Variants in IDI1 observed in about 807,000 individuals in gnomAD.
IDI1 encodes isopentenyl-diphosphate Delta-isomerase 1.
In IDI1, 23 loss-of-function variants were observed where a neutral mutation model predicts 32.9. That is an observed-to-expected ratio of 0.70 (90% CI 0.50 to 0.99). IDI1 has a LOEUF of 0.99. Ranked by LOEUF, IDI1 falls within the 50% of genes least tolerant of loss-of-function variation. IDI1 has a pLI of 0.00. For missense variants in IDI1, 326 were observed against 351.9 expected, an observed-to-expected ratio of 0.93 and a Z score of 0.59; for synonymous variants, 133 against 128.2, an observed-to-expected ratio of 1.04 and a Z score of -0.25.
In IDI1 at chr10:1,041,248, C is replaced by T. The variant is rs757189207; in HGVS notation, c.794G>A (p.Trp265Ter). 1 of 1,612,950 alleles carries T rather than the reference C, an allele frequency of 6.2e-7. No individual in the cohort carries two copies. The highest frequency in any genetic ancestry group is 1.1e-5 in the South Asian group (1 of 91,034). The change falls in exon 5 of 5, where the codon TGG becomes TAG. Residue 265 changes from tryptophan (W) to a stop codon, truncating the protein, a stop_gained. Coordinates refer to ENST00000381344, the MANE Select transcript of IDI1 (RefSeq NM_004508.4). LOFTEE classifies it high-confidence loss of function. Reference protein sequence around the residue: ...KIIAATFLFKWWDNLNHLNQF... With the variant: ...KIIAATFLFK ...ATTCAAATGATTTAAGTTATCCCAC[C>T]ATTTAAAGAGAAAAGTCGCTGCAAT...
intron 1 of IDI1, among the ~76,000 whole-genome samples, chr10:1,044,939 A>T (rs1167241003): frequency 1.3e-5 from 2 of 152,278 alleles, no homozygotes; most frequent in East Asian, 1.9e-4. Context: ...CACAGGCAAT[A>T]GGTGAACTGG....
chr10:1,056,466 C>A, the IDI1 span: 2 of 152,124 alleles, frequency 1.3e-5, no homozygotes, highest in Non-Finnish European at 1.5e-5. Context: ...GCGCAGGCGG[C>A]CCCGGGTCTC....
upstream of IDI1, among the ~76,000 whole-genome samples, chr10:1,050,761 C>G (rs1442107086): frequency 6.6e-6 from 1 of 152,184 alleles, no homozygotes; most frequent in Non-Finnish European, 1.5e-5. Flanking sequence ...CACGTGCACA[C>G]CTCTGGGATG....
chr10:1,051,491 G>A (rs544601271), upstream of IDI1, among the ~76,000 whole-genome samples: 2 of 152,148 alleles, frequency 1.3e-5, no homozygotes, highest in East Asian at 1.9e-4. Context: ...CAGTAAAAGC[G>A]GTATTTCATG....
rs577026848 is a variant in IDI1, at chr10:1,048,419, G to A, written c.140+445C>T. ...TGCACGGACGCAGGTGTATGCACCC[G>A]CGTCACACGCGTGGACTCGGCACGG... On this transcript the variant is annotated intron_variant, in intron 1 of 4. Coordinates refer to ENST00000381344, the MANE Select transcript of IDI1 (RefSeq NM_004508.4). 74 of 1,297,084 alleles carry A rather than the reference G, an allele frequency of 5.7e-5. No homozygotes were observed. In the African/African-American group the frequency reaches 1.0e-3, roughly 18 times the overall value. The allele number at this position is 1,297,084 out of a possible 1,614,324, so 80.3% of individuals were successfully genotyped here. A position where few individuals can be genotyped will look rare whatever the true frequency, so the allele number is the denominator to read the frequency against.
upstream of IDI1, among the ~76,000 whole-genome samples, chr10:1,050,426 A>G (rs1832974840): frequency 6.6e-6 from 1 of 152,134 alleles, no homozygotes; most frequent in African/African-American, 2.4e-5. Flanking sequence ...AGCAAAACCA[A>G]TTTTACCAGA....
intron 1 of IDI1, among the ~76,000 whole-genome samples, chr10:1,045,900 C>A (rs575403141): frequency 7.3e-6 from 1 of 136,468 alleles, no homozygotes; most frequent in African/African-American, 2.5e-5. Context: ...TGTGTGAATG[C>A]GTGTGTCAGG....
In IDI1 at chr10:1,042,760, A is replaced by C; in HGVS notation, c.409T>G (p.Cys137Gly). 1.2e-6 allele frequency: 2 copies of C among 1,613,670 alleles called. No individual in the cohort carries two copies. The highest frequency in any genetic ancestry group is 2.2e-5 in the East Asian group (1 of 44,866). ...TGACTACAACACGTATTCGTAAAAC[A>C]ACCTGGAAAATGGTAATACAGAGAC... is the stretch of plus-strand genomic sequence containing the variant. ...RSDAKITFPG[C>G]FTNTCCSHPL... The change falls in exon 4 of 5, where the codon TGT (cysteine) becomes GGT (glycine). Residue 137 changes from cysteine (C) to glycine (G), a missense_variant and splice_region_variant. By Grantham distance (159) the Cys-to-Gly change is radical. This residue lies in a region of IDI1 where 205 missense variants were observed against 273.5 expected (regional missense o/e 0.75). Coordinates refer to ENST00000381344, the MANE Select transcript of IDI1 (RefSeq NM_004508.4).
In IDI1 at chr10:1,039,542, C is replaced by T. The variant is rs1435455382; in HGVS notation, c.*1645G>A. 1 of 152,164 alleles carries T rather than the reference C, an allele frequency of 6.6e-6. No individual in the cohort carries two copies. Among genetic ancestry groups the T allele is most frequent in the African/African-American group, 2.4e-5 (1 of 41,426 alleles). The allele number at this position is 152,164 out of a possible 1,614,324, so 9.4% of individuals were successfully genotyped here. On this transcript the variant is annotated 3_prime_UTR_variant, in exon 5 of 5. Transcript: ENST00000381344. ...AAACCAACACATCTGCCTTTGGGGTCAGAAGCAGCTATATCTAGGAGAGGG... is the reference window on the plus strand; with the variant it reads ...AAACCAACACATCTGCCTTTGGGGTTAGAAGCAGCTATATCTAGGAGAGGG...
In IDI1 at chr10:1,048,881, A is replaced by G. The variant is rs1564488838; in HGVS notation, c.123T>C (p.Cys41=). The G allele has an allele frequency of 6.2e-7, 1 of 1,605,138 alleles. No individual in the cohort carries two copies. The highest frequency in any genetic ancestry group is 8.5e-7 in the Non-Finnish European group (1 of 1,176,546). Reference sequence around the variant, plus strand: ...CACAGTACCTGATCAGCCTCCGGCCACAGACAACCGCCGGTCCCGGATGGC... The same window carrying G: ...CACAGTACCTGATCAGCCTCCGGCCGCAGACAACCGCCGGTCCCGGATGGC... ...SGRHPGPAVV[C]GRRLISVLEQ... Residue 41 remains cysteine, a synonymous_variant, in exon 1 of 5, where the codon TGT becomes TGC. Coordinates refer to ENST00000381344, the MANE Select transcript of IDI1 (RefSeq NM_004508.4).
At chr10:1,055,758 A>G in the IDI1 span, among the ~76,000 whole-genome samples, 1 of 152,062 alleles carries the variant, frequency 6.6e-6, no homozygotes, top group African/African-American at 2.4e-5. Context: ...TAGAATGCTA[A>G]ATTTGTTTCT....
At chr10:1,054,872 C>T in the IDI1 span, among the ~76,000 whole-genome samples, 1 of 152,158 alleles carries the variant, frequency 6.6e-6, no homozygotes, top group Non-Finnish European at 1.5e-5. Context: ...GACTGATGTC[C>T]TCATAAAAAG....
At position 1,048,463 on chromosome 10, in the gene IDI1, G is replaced by C. The variant is rs954546100; in HGVS notation, c.140+401C>G. ...GGCACGGGGAGGCCGGTGTCGTCACGCTCGTGTTTCTGACGATGCTGTCTA... is the reference window on the plus strand; with the variant it reads ...GGCACGGGGAGGCCGGTGTCGTCACCCTCGTGTTTCTGACGATGCTGTCTA... On this transcript the variant is annotated intron_variant, in intron 1 of 4. Coordinates refer to ENST00000381344, the MANE Select transcript of IDI1 (RefSeq NM_004508.4). 4.0e-6 allele frequency: 5 copies of C among 1,259,050 alleles called. No homozygotes were observed. In the African/African-American group the frequency reaches 6.2e-5, roughly 16 times the overall value. 78.0% of individuals were successfully genotyped at this position (1,259,050 alleles called of 1,614,324 possible).
intron 1 of IDI1, among the ~76,000 whole-genome samples, chr10:1,044,581 T>C (rs1304800989): frequency 1.3e-5 from 2 of 152,342 alleles, no homozygotes; most frequent in Admixed American, 6.5e-5. Flanking sequence ...GAATTGTTTT[T>C]CCCACTGCCT....
chr10:1,054,937 G>A, the IDI1 span, among the ~76,000 whole-genome samples: 6 of 152,166 alleles, frequency 3.9e-5, no homozygotes, highest in South Asian at 2.1e-4. Context: ...GAAGACTGGC[G>A]GGGGCATGCT....
chr10:1,045,267 G>A (rs1157421838), intron 1 of IDI1, among the ~76,000 whole-genome samples: 3 of 152,292 alleles, frequency 2.0e-5, no homozygotes, highest in South Asian at 2.1e-4. Flanking sequence ...ATCCAGCAGC[G>A]TCTAAGCTTT....
In IDI1 at chr10:1,043,289, A is replaced by C. The variant is rs1224287692; in HGVS notation, c.406+12T>G. ...GTACAAACACAATATTGTACATTAA[A>C]AGTGTACTAACCTGGAAAGGTAATC... On this transcript the variant is annotated intron_variant, in intron 3 of 4. Transcript: ENST00000381344. The C allele has an allele frequency of 4.7e-6, 7 of 1,474,196 alleles. No homozygotes were observed. Among genetic ancestry groups the C allele is most frequent in the South Asian group, 4.6e-5 (4 of 87,648 alleles). The allele number at this position is 1,474,196 out of a possible 1,614,324, so 91.3% of individuals were successfully genotyped here.
At chr10:1,050,085 T>G (rs1293986456), upstream of IDI1, among the ~76,000 whole-genome samples, 12 of 152,246 alleles carry the variant, frequency 7.9e-5, no homozygotes, top group Admixed American at 7.2e-4. Flanking sequence ...CTCAAACTTC[T>G]TGGTCACAGG....
Position 1,040,956 on chromosome 10 carries a change from A to T in IDI1, c.*231T>A, listed in dbSNP as rs1832557873. 2.5e-6 allele frequency: 1 copy of T among 394,726 alleles called. No individual in the cohort carries two copies. Among genetic ancestry groups the T allele is most frequent in the African/African-American group, 2.0e-5 (1 of 48,790 alleles). The allele number at this position is 394,726 out of a possible 1,614,324, so 24.5% of individuals were successfully genotyped here. On this transcript the variant is annotated 3_prime_UTR_variant, in exon 5 of 5. Transcript: ENST00000381344. ...CGCTCTCATTTTACAATAATCTCTC[A>T]CAAATGTCGCTTAGAAACAGAACAC...
Sources: gnomAD v4.1 joint callset for allele counts (sites outside exome capture counted in the v4.1 genomes callset) on GRCh38, gnomAD v4.1.1 for gene constraint, gnomAD v4.1.1 regional missense constraint, MANE v1.5 for transcripts, NCBI Gene and HGNC (gene_info 2026-07-23, HGNC 2026-07-21) for gene names.